HTRA1: variants seen among roughly 807,000 people sequenced by gnomAD.
HTRA1 encodes serine protease HTRA1.
In HTRA1, 26 loss-of-function variants were observed where a neutral mutation model predicts 49.7. That is an observed-to-expected ratio of 0.52 (90% confidence interval 0.38 to 0.73). The LOEUF (loss-of-function observed/expected upper bound fraction) is 0.73, where lower values mean the gene tolerates loss of function less well. HTRA1 is among the 30% of genes least tolerant of loss of function. The pLI is 0.00. For missense variants in HTRA1, 561 were observed against 667.2 expected (o/e 0.84, Z 1.75); for synonymous variants, 291 against 286.9 (o/e 1.01, Z -0.14).
rs181997476 is a variant in HTRA1 at position 122,504,409 on chromosome 10, A to C, written c.778-2282A>C. Among the ~76,000 whole-genome samples, 31 of 152,278 alleles carry C rather than the reference A, an allele frequency of 2.0e-4. No individual in the cohort carries two copies. In the East Asian group the frequency reaches 6.0e-3, roughly 29 times the overall value. On this transcript the variant is annotated intron_variant, in intron 3 of 8. Transcript: ENST00000368984. Reference sequence around the variant, plus strand: ...GAGTGAGATGTGAATTAGGATCCCCACAGCAAGCCCTGCCTCGTAACTTTC... The same window carrying C: ...GAGTGAGATGTGAATTAGGATCCCCCCAGCAAGCCCTGCCTCGTAACTTTC...
In HTRA1 at chr10:122,464,826, C is replaced by T. The variant is rs1565406451; in HGVS notation, c.472+2702C>T. On this transcript the variant is annotated intron_variant, in intron 1 of 8. Transcript: ENST00000368984. This position sits in a 1 kb window ranked among gnomAD's most constrained non-coding sequence, Gnocchi z 4.8. ...CTGCCTGCTCTGGCTGGAAGATTGGCGGGAGAGTCACTTTAGCTGCCATGG... is the reference window on the plus strand; with the variant it reads ...CTGCCTGCTCTGGCTGGAAGATTGGTGGGAGAGTCACTTTAGCTGCCATGG... 3.3e-5 allele frequency among the ~76,000 whole-genome samples: 5 copies of T among 152,134 alleles called. No homozygotes were observed. The highest frequency in any genetic ancestry group is 6.5e-5 in the Admixed American group (1 of 15,278).
intron 3 of HTRA1, among the ~76,000 whole-genome samples, chr10:122,496,446 C>T (rs961947283): frequency 3.3e-5 from 5 of 151,446 alleles, no homozygotes; most frequent in Non-Finnish European, 7.4e-5. Flanking sequence ...CTTGTTAATT[C>T]CCTGATTTTA....
rs2097503028 is a variant in HTRA1 at position 122,506,303 on chromosome 10, C to T, written c.778-388C>T. Among the ~76,000 whole-genome samples the T allele has an allele frequency of 6.6e-6, 1 of 152,180 alleles. No individual in the cohort carries two copies. The highest frequency in any genetic ancestry group is 1.5e-5 in the Non-Finnish European group (1 of 68,040). On this transcript the variant is annotated intron_variant, in intron 3 of 8. Transcript: ENST00000368984. The surrounding 1 kb of genome is among the most constrained non-coding windows in gnomAD (Gnocchi z 5.2). ...CTGGGGCTTGGTTCTCTAGGGCCAT[C>T]CCCAGCAGTCTCACCCCAAACCCTA...
At chr10:122,493,090 G>A (rs1219298278) in intron 3 of HTRA1, among the ~76,000 whole-genome samples, 3 of 152,184 alleles carry the variant, frequency 2.0e-5, no homozygotes, top group African/African-American at 7.2e-5. Flanking sequence ...TCTCACTGCT[G>A]AGCAGACACA....
chr10:122,473,561 A>G (rs970242393), intron 1 of HTRA1, among the ~76,000 whole-genome samples: 1 of 152,162 alleles, frequency 6.6e-6, no homozygotes, highest in African/African-American at 2.4e-5. Flanking sequence ...GAACACGATT[A>G]TTTTTCTTTT....
chr10:122,498,217 A>G (rs1356763034), intron 3 of HTRA1, among the ~76,000 whole-genome samples: 1 of 150,740 alleles, frequency 6.6e-6, no homozygotes, highest in Non-Finnish European at 1.5e-5. Context: ...TCATCTCCCC[A>G]TTTATCTGAT....
intron 1 of HTRA1, among the ~76,000 whole-genome samples, chr10:122,469,932 G>T (rs1157838952): frequency 2.0e-5 from 3 of 152,256 alleles, no homozygotes; most frequent in Non-Finnish European, 4.4e-5. Flanking sequence ...TGTGGGCTGA[G>T]AATATATTTT....
chr10:122,472,717 A>G (rs886818006), intron 1 of HTRA1, among the ~76,000 whole-genome samples: 3 of 152,088 alleles, frequency 2.0e-5, no homozygotes, highest in African/African-American at 7.2e-5. Context: ...TTCTGTCCCA[A>G]GTGTTGCCAC....
At chr10:122,480,926 A>T (rs1192890156) in intron 1 of HTRA1, among the ~76,000 whole-genome samples, 1 of 152,160 alleles carries the variant, frequency 6.6e-6, no homozygotes, top group Non-Finnish European at 1.5e-5. Context: ...TACTGCAAAC[A>T]TCACAAAATC....
intron 3 of HTRA1, among the ~76,000 whole-genome samples, chr10:122,500,444 C>A (rs1210890725): frequency 6.6e-6 from 1 of 152,184 alleles, no homozygotes; most frequent in Non-Finnish European, 1.5e-5. Flanking sequence ...TTGGAGATCA[C>A]TGGGCTCAAC....
At chr10:122,465,783 A>G (rs1401765792) in intron 1 of HTRA1, among the ~76,000 whole-genome samples, 1 of 152,202 alleles carries the variant, frequency 6.6e-6, no homozygotes, top group African/African-American at 2.4e-5. Context: ...GATCCAGACA[A>G]ACTGCTCTTG....
intron 3 of HTRA1, among the ~76,000 whole-genome samples, chr10:122,505,506 C>T (rs2097502665): frequency 6.6e-6 from 1 of 152,114 alleles, no homozygotes; most frequent in South Asian, 2.1e-4. Context: ...TCTCGAGTCA[C>T]CCAGAATCTT....
Position 122,508,664 on chromosome 10 carries a change from A to G in HTRA1, c.1014A>G (p.Glu338=). 2 of 1,607,076 alleles carry G rather than the reference A, an allele frequency of 1.2e-6. No individual in the cohort carries two copies. The highest frequency in any genetic ancestry group is 1.7e-6 in the Non-Finnish European group (2 of 1,173,504). Residue 338 remains glutamate (E), a synonymous_variant, in exon 6 of 9, where the codon GAA becomes GAG. Coordinates refer to ENST00000368984, the MANE Select transcript of HTRA1 (RefSeq NM_002775.5). Reference sequence around the variant, plus strand: ...TCCTTCTTGCTTTTCAGGACGGTGAAGTGATTGGAATTAACACTTTGAAAG... The same window carrying G: ...TCCTTCTTGCTTTTCAGGACGGTGAGGTGATTGGAATTAACACTTTGAAAG... ...SGGPLVNLDG[E]VIGINTLKVT...
intron 1 of HTRA1, among the ~76,000 whole-genome samples, chr10:122,469,920 A>G (rs1311393853): frequency 1.3e-5 from 2 of 152,068 alleles, no homozygotes; most frequent in African/African-American, 4.8e-5. Context: ...GTTTAATTCT[A>G]TTGTGGGCTG....
chr10:122,463,031 C>T (rs941223693), intron 1 of HTRA1, among the ~76,000 whole-genome samples: 1 of 152,246 alleles, frequency 6.6e-6, no homozygotes, highest in African/African-American at 2.4e-5. Flanking sequence ...ATATCGAGTT[C>T]AGCAGCGGCC....
intron 6 of HTRA1, among the ~76,000 whole-genome samples, chr10:122,509,735 A>T (rs1213168852): frequency 1.3e-5 from 2 of 152,202 alleles, no homozygotes; most frequent in African/African-American, 2.4e-5. Context: ...GGGCTCTCCC[A>T]GCCATCTGGA....
intron 3 of HTRA1, among the ~76,000 whole-genome samples, chr10:122,504,989 G>A (rs2097502452): frequency 6.6e-6 from 1 of 152,236 alleles, no homozygotes; most frequent in South Asian, 2.1e-4. Context: ...GTGGAAAGGT[G>A]TTTGGTGGTT....
intron 8 of HTRA1, among the ~76,000 whole-genome samples, chr10:122,513,393 C>G (rs1245738536): frequency 1.3e-5 from 2 of 152,204 alleles, no homozygotes; most frequent in South Asian, 4.1e-4. Flanking sequence ...CTGGTACATC[C>G]TTCCCCACTT....
chr10:122,483,709 A>T (rs1357790758), intron 1 of HTRA1, among the ~76,000 whole-genome samples: 4 of 152,206 alleles, frequency 2.6e-5, no homozygotes, highest in Non-Finnish European at 4.4e-5. Context: ...CTGATCTACA[A>T]GTGTGGTATT....
Sources: allele counts gnomAD v4.1 joint callset (sites outside exome capture counted in the v4.1 genomes callset), GRCh38; gene constraint gnomAD v4.1.1; non-coding constraint Gnocchi (gnomAD v3.1); transcripts MANE v1.5; gene names NCBI Gene and HGNC (gene_info 2026-07-23, HGNC 2026-07-21).